MAGI2: variants seen among roughly 807,000 people sequenced by gnomAD.
MAGI2 encodes the protein membrane associated guanylate kinase, WW and PDZ domain containing 2, also known as membrane-associated guanylate kinase, WW and PDZ domain-containing protein 2.
In MAGI2, 35 loss-of-function variants were observed where a neutral mutation model predicts 133.3. That is an observed-to-expected ratio of 0.26 (90% confidence interval 0.20 to 0.35). The LOEUF is 0.35. Ranked by LOEUF, MAGI2 falls within the 10% of genes least tolerant of loss-of-function variation. The pLI, the probability that MAGI2 is intolerant of heterozygous loss-of-function variation, is 1.00. For synonymous variants in MAGI2, 729 were observed against 710.6 expected, an observed-to-expected ratio of 1.03 and a Z score of -0.41; for missense variants, 1,636 against 1,863.4, an observed-to-expected ratio of 0.88 and a Z score of 2.25.
chr7:78,571,738 A>G (rs1012452258), intron 3 of MAGI2, among the ~76,000 whole-genome samples: 6 of 152,200 alleles, frequency 3.9e-5, no homozygotes, highest in African/African-American at 7.2e-5. Context: ...AAAGTGGAAG[A>G]AAAATGAGTA....
chr7:79,347,775 A>G (rs1477595972), intron 1 of MAGI2, among the ~76,000 whole-genome samples: 1 of 152,002 alleles, frequency 6.6e-6, no homozygotes, highest in East Asian at 1.9e-4. Flanking sequence ...AAGCATGGAT[A>G]AAACTTAAGT....
intron 2 of MAGI2, among the ~76,000 whole-genome samples, chr7:78,770,562 C>T (rs1430445064): frequency 2.6e-5 from 4 of 152,196 alleles, no homozygotes; most frequent in Non-Finnish European, 4.4e-5. Context: ...TAACTGTTCT[C>T]CAAACAGCCA....
At chr7:78,876,161 A>C (rs1202492222) in intron 2 of MAGI2, among the ~76,000 whole-genome samples, 2 of 151,846 alleles carry the variant, frequency 1.3e-5, no homozygotes, top group Non-Finnish European at 2.9e-5. Flanking sequence ...TCTCTACTAA[A>C]AATACAAAAA....
Position 78,531,447 on chromosome 7 carries a change from C to T in MAGI2, c.539-9802G>A, listed in dbSNP as rs143793281. On this transcript the variant is annotated intron_variant, in intron 3 of 21. Transcript: ENST00000354212. ...CAGGATGGTCTCGATCTCTTGACCT[C>T]GTGATCTGCCTGCTTTGGACTCCCA... is the stretch of plus-strand genomic sequence containing the variant. Among the ~76,000 whole-genome samples the T allele has an allele frequency of 9.4e-3, 1,428 of 152,120 alleles. 28 individuals carry two copies. The highest frequency in any genetic ancestry group is 0.032 in the African/African-American group (1,329 of 41,486).
intron 1 of MAGI2, among the ~76,000 whole-genome samples, chr7:79,379,893 T>C (rs1272704058): frequency 6.6e-6 from 1 of 151,496 alleles, no homozygotes; most frequent in African/African-American, 2.4e-5. Context: ...TTTGTTTGAG[T>C]GGAAAGGATT....
chr7:78,155,374 G>A (rs1234061409), intron 16 of MAGI2, among the ~76,000 whole-genome samples: 1 of 152,208 alleles, frequency 6.6e-6, no homozygotes, highest in East Asian at 1.9e-4. Context: ...AGCACTTTGG[G>A]AGGCCAAGGT....
intron 21 of MAGI2, among the ~76,000 whole-genome samples, chr7:78,075,175 A>G (rs1014542617): frequency 2.0e-5 from 3 of 152,062 alleles, no homozygotes; most frequent in African/African-American, 4.8e-5. Context: ...TTGGGCACTG[A>G]GTCTCCAGGG....
At chr7:79,194,273 A>G (rs1827901514) in intron 1 of MAGI2, among the ~76,000 whole-genome samples, 1 of 152,000 alleles carries the variant, frequency 6.6e-6, no homozygotes, top group Non-Finnish European at 1.5e-5. Flanking sequence ...GTGAGACAAC[A>G]CACCTTTTTG....
At chr7:78,136,814 G>T (rs1822190519) in intron 16 of MAGI2, among the ~76,000 whole-genome samples, 1 of 152,218 alleles carries the variant, frequency 6.6e-6, no homozygotes, top group Admixed American at 6.5e-5. Context: ...CAGAACATTA[G>T]CTAATAACCA....
At chr7:78,825,285 T>A (rs1790524380) in intron 2 of MAGI2, among the ~76,000 whole-genome samples, 1 of 152,084 alleles carries the variant, frequency 6.6e-6, no homozygotes, top group Non-Finnish European at 1.5e-5. Context: ...AGAAAGAAGG[T>A]TAGAGGTCAA....
At chr7:78,435,172 T>C (rs1270021332) in intron 6 of MAGI2, among the ~76,000 whole-genome samples, 1 of 152,090 alleles carries the variant, frequency 6.6e-6, no homozygotes, top group Non-Finnish European at 1.5e-5. Flanking sequence ...TAGGGACAAT[T>C]GGGAGAATTA....
chr7:79,384,866 A>G (rs1386028394), intron 1 of MAGI2, among the ~76,000 whole-genome samples: 1 of 151,732 alleles, frequency 6.6e-6, no homozygotes, highest in African/African-American at 2.4e-5. Flanking sequence ...AACAAACTGA[A>G]TATTTTTATA....
chr7:78,649,085 A>G (rs1332554167), intron 2 of MAGI2, among the ~76,000 whole-genome samples: 2 of 151,932 alleles, frequency 1.3e-5, no homozygotes, highest in East Asian at 1.9e-4. Context: ...ACTGGTTGCC[A>G]TTTTGTGATC....
chr7:78,596,758 A>G (rs1804650655), intron 3 of MAGI2, among the ~76,000 whole-genome samples: 1 of 152,176 alleles, frequency 6.6e-6, no homozygotes, highest in Admixed American at 6.5e-5. Flanking sequence ...CTTACTTACC[A>G]ATTACTTCCA....
chr7:78,876,378 T>C (rs529780009), intron 2 of MAGI2, among the ~76,000 whole-genome samples: 37 of 149,900 alleles, frequency 2.5e-4, no homozygotes, highest in African/African-American at 8.5e-4. Context: ...GTATATGTAA[T>C]TGAAGTCTAA....
intron 1 of MAGI2, among the ~76,000 whole-genome samples, chr7:79,435,933 T>G (rs1006979620): frequency 2.6e-5 from 4 of 151,866 alleles, no homozygotes; most frequent in Non-Finnish European, 5.9e-5. Flanking sequence ...CATAGACCAA[T>G]GGAAAATAGT....
chr7:78,756,614 G>A (rs887425636), intron 2 of MAGI2, among the ~76,000 whole-genome samples: 1 of 152,036 alleles, frequency 6.6e-6, no homozygotes, highest in Admixed American at 6.6e-5. Flanking sequence ...GCGACATCAT[G>A]GTACCTAAGA....
chr7:78,713,817 G>T (rs771547926), intron 2 of MAGI2, among the ~76,000 whole-genome samples: 4 of 152,024 alleles, frequency 2.6e-5, no homozygotes, highest in Admixed American at 2.6e-4. Flanking sequence ...CATACAGAAC[G>T]TTTTACCTCA....
At chr7:78,528,485 C>T (rs1180238842) in intron 3 of MAGI2, among the ~76,000 whole-genome samples, 1 of 152,266 alleles carries the variant, frequency 6.6e-6, no homozygotes, top group East Asian at 1.9e-4. Context: ...CATTCTAACT[C>T]ATGTCACCCA....
Sources: allele counts gnomAD v4.1 joint callset (sites outside exome capture counted in the v4.1 genomes callset), GRCh38; gene constraint gnomAD v4.1.1; transcripts MANE v1.5; gene names NCBI Gene and HGNC (gene_info 2026-07-23, HGNC 2026-07-21).